The following DTNA variants were observed in gnomAD, a reference collection of about 807,000 sequenced individuals.
DTNA encodes dystrobrevin alpha.
A neutral mutation model predicts 100.7 loss-of-function variants in DTNA; 43 were observed. The ratio of observed to expected loss-of-function variants is 0.43; its 90% CI spans 0.33 to 0.55. The LOEUF is 0.55. Among genes scored for constraint, DTNA ranks in the 20% least tolerant of loss-of-function variants. DTNA has a pLI of 0.04. For synonymous variants in DTNA, 349 were observed against 347.9 expected (o/e 1.00, Z -0.04); for missense variants, 798 against 953.9 (o/e 0.84, Z 2.15).
chr18:34,554,607 G>A (rs2045827355), intron 1 of DTNA, among the ~76,000 whole-genome samples: 1 of 151,700 alleles, frequency 6.6e-6, no homozygotes, highest in South Asian at 2.1e-4. Context: ...TTTGTCAAAG[G>A]CCTTCTCTGC....
intron 1 of DTNA, among the ~76,000 whole-genome samples, chr18:34,612,923 A>G (rs1046401578): frequency 2.6e-5 from 4 of 152,214 alleles, no homozygotes; most frequent in African/African-American, 9.7e-5. Flanking sequence ...TTTTAAAAAC[A>G]TATACAGTCA....
chr18:34,679,345 G>A (rs1187371412), intron 1 of DTNA: 1 of 152,150 alleles, frequency 6.6e-6, no homozygotes, highest in African/African-American at 2.4e-5. Flanking sequence ...GTTATTAATA[G>A]AGGATAAGGG....
Position 34,882,098 on chromosome 18 carries a change from A to G in DTNA, c.2192A>G (p.Gln731Arg), listed in dbSNP as rs745403833. 1 of 1,614,106 alleles carries G rather than the reference A, an allele frequency of 6.2e-7. No individual in the cohort carries two copies. Among genetic ancestry groups the G allele is most frequent in the Non-Finnish European group, 8.5e-7 (1 of 1,179,980 alleles). The change falls in exon 21 of 23, where the codon CAG (glutamine) becomes CGG (arginine). Residue 731 changes from glutamine to arginine, a missense_variant. Gln to Arg is a conservative substitution (Grantham distance 43). This residue lies in a region of DTNA where 242 missense variants were observed against 238.2 expected (regional missense o/e 1.02). Coordinates refer to ENST00000444659, the MANE Select transcript of DTNA (RefSeq NM_001386795.1). Reference sequence around the variant, plus strand: ...ACGGAGGATGCAGATCCCTATGTGCAGCCTGAAGATGAAAACTATGAAAAT... The same window carrying G: ...ACGGAGGATGCAGATCCCTATGTGCGGCCTGAAGATGAAAACTATGAAAAT... ...MVTEDADPYVQPEDENYENDS... is the reference protein window; with the variant it reads ...MVTEDADPYVRPEDENYENDS...
chr18:34,795,393 A>G (rs9944847), intron 4 of DTNA, among the ~76,000 whole-genome samples: 3,881 of 152,270 alleles, frequency 0.025, 169 homozygotes, highest in African/African-American at 0.087. Flanking sequence ...AAAATAAACA[A>G]TTTTACAACT....
chr18:34,518,704 CGTGTGTGT>C (rs57035462), intron 1 of DTNA, among the ~76,000 whole-genome samples: 12,651 of 121,536 alleles, frequency 0.1, 694 homozygotes, highest in Non-Finnish European at 0.13. Flanking sequence ...ATTTGGCAAA[CGTGTGTGT>C]GTGTGTGTGT....
chr18:34,522,343 C>A (rs1191210072), intron 1 of DTNA, among the ~76,000 whole-genome samples: 1 of 152,092 alleles, frequency 6.6e-6, no homozygotes, highest in Admixed American at 6.6e-5. Flanking sequence ...CAACAGTGAT[C>A]CCAAAGACAG....
intron 3 of DTNA, among the ~76,000 whole-genome samples, chr18:34,774,199 G>A (rs2093926856): frequency 1.3e-5 from 2 of 152,222 alleles, no homozygotes; most frequent in South Asian, 4.1e-4. Context: ...TATCTAACAG[G>A]TGCCAAGGCA....
At chr18:34,663,178 G>A (rs886215826) in intron 1 of DTNA, among the ~76,000 whole-genome samples, 2 of 151,944 alleles carry the variant, frequency 1.3e-5, no homozygotes, top group Non-Finnish European at 1.5e-5. Flanking sequence ...TTTTGAGATA[G>A]GGTCTCACTC....
chr18:34,671,014 C>G (rs1033785258), intron 1 of DTNA, among the ~76,000 whole-genome samples: 8 of 152,334 alleles, frequency 5.3e-5, no homozygotes, highest in Admixed American at 3.9e-4. Flanking sequence ...TGCCCTTCCC[C>G]CAGAGGTGGA....
At chr18:34,591,993 A>G (rs79828238) in intron 1 of DTNA, among the ~76,000 whole-genome samples, 201 of 152,290 alleles carry the variant, frequency 1.3e-3, no homozygotes, top group African/African-American at 4.3e-3. Flanking sequence ...ACCATCAACA[A>G]ACAAAAACAG....
intron 1 of DTNA, among the ~76,000 whole-genome samples, chr18:34,675,394 G>A (rs570111032): frequency 9.9e-5 from 15 of 152,068 alleles, no homozygotes; most frequent in Admixed American, 2.0e-4. Context: ...TAGGCTACCC[G>A]TTCTTGAATA....
intron 1 of DTNA, among the ~76,000 whole-genome samples, chr18:34,744,043 T>C (rs2091174618): frequency 6.6e-6 from 1 of 152,094 alleles, no homozygotes. Flanking sequence ...CGAATCAAAA[T>C]TGCCACCTCT....
intron 3 of DTNA, among the ~76,000 whole-genome samples, chr18:34,783,530 A>G (rs2094413178): frequency 6.6e-6 from 1 of 152,350 alleles, no homozygotes; most frequent in African/African-American, 2.4e-5. Flanking sequence ...CTTGGAGATA[A>G]AAGCATGCTT....
At chr18:34,576,436 T>C (rs1274700635) in intron 1 of DTNA, among the ~76,000 whole-genome samples, 3 of 152,156 alleles carry the variant, frequency 2.0e-5, no homozygotes, top group Non-Finnish European at 2.9e-5. Flanking sequence ...GTTTGTGATA[T>C]ATTTTTGTTT....
chr18:34,518,681 GT>G (rs35144785), intron 1 of DTNA, among the ~76,000 whole-genome samples: 64 of 135,178 alleles, frequency 4.7e-4, no homozygotes, highest in African/African-American at 1.5e-3. Flanking sequence ...TTGACTTACC[GT>G]TTTTTTTTTT....
At chr18:34,740,615 C>T (rs1189761845) in intron 1 of DTNA, among the ~76,000 whole-genome samples, 1 of 151,976 alleles carries the variant, frequency 6.6e-6, no homozygotes, top group African/African-American at 2.4e-5. Context: ...CATAGTGAGA[C>T]CTTGTCTCTA....
chr18:34,804,839 T>C lies in DTNA; in HGVS notation c.363-1380T>C, dbSNP rs143445465. ...AGTCACTAGCATAGGGTTCAGTCAATTTTGCATTCTGGCTGGTTGTATTTG... is the reference window on the plus strand; with the variant it reads ...AGTCACTAGCATAGGGTTCAGTCAACTTTGCATTCTGGCTGGTTGTATTTG... On this transcript the variant is annotated intron_variant, in intron 4 of 22. Transcript: ENST00000444659. Among the ~76,000 whole-genome samples, 3 of 152,288 alleles carry C rather than the reference T, an allele frequency of 2.0e-5. No individual in the cohort carries two copies. The East Asian group carries it at 5.8e-4, about 29-fold the overall frequency.
intron 1 of DTNA, among the ~76,000 whole-genome samples, chr18:34,648,768 T>C (rs1005996970): frequency 6.6e-6 from 1 of 152,250 alleles, no homozygotes; most frequent in Non-Finnish European, 1.5e-5. Context: ...CCAAGTTATA[T>C]TGTATTTCTG....
chr18:34,579,353 G>A (rs1194535000), intron 1 of DTNA, among the ~76,000 whole-genome samples: 1 of 152,090 alleles, frequency 6.6e-6, no homozygotes, highest in African/African-American at 2.4e-5. Flanking sequence ...TTTTTAAAAG[G>A]TCTTTTATAC....
Sources: allele counts gnomAD v4.1 joint callset (sites outside exome capture counted in the v4.1 genomes callset), GRCh38; gene constraint gnomAD v4.1.1; regional missense constraint gnomAD v4.1.1; transcripts MANE v1.5; gene names NCBI Gene and HGNC (gene_info 2026-07-23, HGNC 2026-07-21).